MIB1: variants seen among roughly 807,000 people sequenced by gnomAD.
MIB1 encodes the protein MIB E3 ubiquitin protein ligase 1, also known as E3 ubiquitin-protein ligase MIB1.
In MIB1, 278 loss-of-function variants were observed where a neutral mutation model predicts 124.5. That is an observed-to-expected ratio of 2.23 (90% CI 2.02 to 2.47). The LOEUF (loss-of-function observed/expected upper bound fraction) is 2.47. Among genes scored for constraint, MIB1 ranks in the 30% most tolerant of loss-of-function variants. MIB1 has a pLI of 0.00. For synonymous variants in MIB1, 446 were observed against 429.4 expected, an observed-to-expected ratio of 1.04 and a Z score of -0.48; for missense variants, 957 against 1,254.4, an observed-to-expected ratio of 0.76 and a Z score of 3.58.
In MIB1 at chr18:21,846,976, G is replaced by A. The variant is rs1555696198; in HGVS notation, c.2244G>A (p.Glu748=). ...TGGGACTTGGTACCCAGGGGGCAGA[G>A]AAGAAGAGTGCAGCATCTATTGCCT... is the stretch of plus-strand genomic sequence containing the variant. The part of the protein sequence containing the change: ...LIMGLGTQGA[E]KKSAASIACF... Residue 748 remains glutamate, a synonymous_variant, in exon 16 of 21, where the codon GAG becomes GAA. Coordinates refer to ENST00000261537, the MANE Select transcript of MIB1 (RefSeq NM_020774.4). 2 of 1,614,096 alleles carry A rather than the reference G, an allele frequency of 1.2e-6. No homozygotes were observed. The highest frequency in any genetic ancestry group is 3.3e-4 in the Middle Eastern group (2 of 6,062).
At chr18:21,720,696 C>T (rs2040710479) in intron 1 of MIB1, among the ~76,000 whole-genome samples, 1 of 152,092 alleles carries the variant, frequency 6.6e-6, no homozygotes, top group African/African-American at 2.4e-5. Flanking sequence ...TGCCTGTAAT[C>T]CCAGCACTTT....
In MIB1 at chr18:21,765,895, A is replaced by G; in HGVS notation, c.353A>G (p.His118Arg). The G allele has an allele frequency of 6.2e-7, 1 of 1,614,174 alleles. No individual in the cohort carries two copies. Among genetic ancestry groups the G allele is most frequent in the Non-Finnish European group, 8.5e-7 (1 of 1,180,000 alleles). ...ACAGTGTGTTATCATGGAGATAAACATCATTTAAGACATCGCTTTTACCGA... is the reference window on the plus strand; with the variant it reads ...ACAGTGTGTTATCATGGAGATAAACGTCATTTAAGACATCGCTTTTACCGA... ...LCTVCYHGDKHHLRHRFYRIT... is the reference protein window; with the variant it reads ...LCTVCYHGDKRHLRHRFYRIT... Residue 118 changes from histidine (H) to arginine (R), a missense_variant, in exon 2 of 21, where the codon CAT (histidine) becomes CGT (arginine). By Grantham distance (29) the His-to-Arg change is conservative. Coordinates refer to ENST00000261537, the MANE Select transcript of MIB1 (RefSeq NM_020774.4).
chr18:21,789,513 C>G (rs1347930390), intron 6 of MIB1, among the ~76,000 whole-genome samples: 1 of 152,172 alleles, frequency 6.6e-6, no homozygotes, highest in African/African-American at 2.4e-5. Flanking sequence ...ATTTCCCAAA[C>G]TAATCTTCCG....
At chr18:21,782,478 T>G (rs2041381502) in intron 6 of MIB1, among the ~76,000 whole-genome samples, 1 of 151,988 alleles carries the variant, frequency 6.6e-6, no homozygotes, top group South Asian at 2.2e-4. Flanking sequence ...TACTGCTTTT[T>G]CTGTATTTCA....
chr18:21,839,476 A>G (rs902962837), intron 13 of MIB1, among the ~76,000 whole-genome samples: 1 of 152,090 alleles, frequency 6.6e-6, no homozygotes, highest in Non-Finnish European at 1.5e-5. Context: ...GGATTACTCT[A>G]ATGTTCTAGA....
intron 1 of MIB1, among the ~76,000 whole-genome samples, chr18:21,761,018 G>A (rs150004216): frequency 7.2e-5 from 11 of 152,064 alleles, no homozygotes; most frequent in Admixed American, 2.0e-4. Flanking sequence ...ATTTTTTGTC[G>A]GCTTTCCTGT....
At chr18:21,806,619 T>G (rs923913479) in intron 10 of MIB1, among the ~76,000 whole-genome samples, 3 of 150,868 alleles carry the variant, frequency 2.0e-5, no homozygotes, top group Admixed American at 6.6e-5. Context: ...TAGTTTTTTG[T>G]TTTTTGTTTT....
chr18:21,844,015 T>C, intron 14 of MIB1, 77 bp from the exon 15 acceptor site: 1 of 1,434,560 alleles, frequency 7.0e-7, no homozygotes, highest in Non-Finnish European at 9.7e-7. Context: ...CAGGGTGTTC[T>C]CACCATTACT....
At chr18:21,804,819 AT>A (rs944098381) in intron 10 of MIB1, among the ~76,000 whole-genome samples, 6 of 152,308 alleles carry the variant, frequency 3.9e-5, no homozygotes, top group African/African-American at 1.2e-4. Context: ...GATTTTACTA[AT>A]TAAAAAATTT....
intron 13 of MIB1, among the ~76,000 whole-genome samples, chr18:21,842,552 C>G (rs2042100938): frequency 6.6e-6 from 1 of 152,176 alleles, no homozygotes; most frequent in Admixed American, 6.6e-5. Context: ...TAGGGTTCAG[C>G]TGTTCTCATA....
At chr18:21,706,882 C>T (rs902354552) in intron 1 of MIB1, among the ~76,000 whole-genome samples, 6 of 152,334 alleles carry the variant, frequency 3.9e-5, no homozygotes, top group South Asian at 2.1e-4. Context: ...TTCCATCCAC[C>T]GCCCAAGGGC....
At position 21,791,553 on chromosome 18, in the gene MIB1, T is replaced by C. The variant is rs1568203492; in HGVS notation, c.1088T>C (p.Leu363Pro). 1 of 1,609,970 alleles carries C rather than the reference T, an allele frequency of 6.2e-7. No homozygotes were observed. Among genetic ancestry groups the C allele is most frequent in the Non-Finnish European group, 8.5e-7 (1 of 1,176,870 alleles). The part of the protein sequence containing the change: ...RGHGEWAEAM[L>P]PTLGKVGRVQ... The stretch of plus-strand genomic sequence containing the variant: ...CATGGAGAATGGGCTGAAGCGATGC[T>C]TCCAGTAAGTATGTTTAGAATAATT... The change falls in exon 7 of 21, where the codon CTT becomes CCT. Residue 363 changes from leucine to proline, a missense_variant. Transcript: ENST00000261537.
At chr18:21,787,045 G>C (rs1302409294) in intron 6 of MIB1, among the ~76,000 whole-genome samples, 1 of 145,570 alleles carries the variant, frequency 6.9e-6, no homozygotes, top group Admixed American at 6.9e-5. Flanking sequence ...AGTTTTTGCT[G>C]TCTGCTTATT....
chr18:21,719,755 C>A (rs937867361), intron 1 of MIB1, among the ~76,000 whole-genome samples: 1 of 151,928 alleles, frequency 6.6e-6, no homozygotes, highest in Admixed American at 6.6e-5. Flanking sequence ...CTGTGCCCGG[C>A]CCTTTTTTAC....
At chr18:21,782,612 G>C (rs2041383402) in intron 6 of MIB1, among the ~76,000 whole-genome samples, 1 of 151,886 alleles carries the variant, frequency 6.6e-6, no homozygotes, top group Non-Finnish European at 1.5e-5. Context: ...TAGTGTTATT[G>C]CATTGTGGTC....
At chr18:21,800,926 C>A (rs1418910691) in intron 9 of MIB1, among the ~76,000 whole-genome samples, 1 of 151,882 alleles carries the variant, frequency 6.6e-6, no homozygotes. Context: ...GTCGGATTTC[C>A]TTTGTATTCC....
At chr18:21,769,679 T>A (rs2041203656) in intron 3 of MIB1, among the ~76,000 whole-genome samples, 1 of 152,198 alleles carries the variant, frequency 6.6e-6, no homozygotes, top group South Asian at 2.1e-4. Context: ...GAAGTCAAAT[T>A]TTAATTGACT....
At chr18:21,728,152 T>G (rs1316182245) in intron 1 of MIB1, among the ~76,000 whole-genome samples, 4 of 152,204 alleles carry the variant, frequency 2.6e-5, no homozygotes, top group Non-Finnish European at 4.4e-5. Context: ...TGCCCTTGGC[T>G]CTCTCTTATC....
At chr18:21,774,913 T>A (rs1598604185) in intron 4 of MIB1, among the ~76,000 whole-genome samples, 1 of 138,982 alleles carries the variant, frequency 7.2e-6, no homozygotes, top group Non-Finnish European at 1.5e-5. Context: ...CCCCTTAATT[T>A]ATTTCCATTT....
Sources: gnomAD v4.1 joint callset for allele counts (sites outside exome capture counted in the v4.1 genomes callset) on GRCh38, gnomAD v4.1.1 for gene constraint, MANE v1.5 for transcripts, NCBI Gene and HGNC (gene_info 2026-07-23, HGNC 2026-07-21) for gene names.